FBXL17: variants seen among roughly 807,000 people sequenced by gnomAD.
FBXL17 encodes the protein F-box and leucine rich repeat protein 17, also known as F-box/LRR-repeat protein 17.
Under a neutral mutation model 66.2 loss-of-function variants are expected in FBXL17, and 22 were observed. The observed-to-expected ratio is 0.33, with a 90% CI of 0.24 to 0.47. The LOEUF (loss-of-function observed/expected upper bound fraction) is 0.47, where lower values mean the gene tolerates loss of function less well. FBXL17 is among the 20% of genes least tolerant of loss of function. The pLI, the probability that FBXL17 is intolerant of heterozygous loss-of-function variation, is 1.00. For synonymous variants in FBXL17, 474 were observed against 400.5 expected, an observed-to-expected ratio of 1.18 and a Z score of -2.19; for missense variants, 878 against 948.2, an observed-to-expected ratio of 0.93 and a Z score of 0.97.
chr5:108,013,218 C>T (rs1754252125), intron 7 of FBXL17, among the ~76,000 whole-genome samples: 1 of 151,908 alleles, frequency 6.6e-6, no homozygotes, highest in Non-Finnish European at 1.5e-5. Context: ...TTTCCTTTTA[C>T]ATAATATATG....
chr5:108,101,154 C>T (rs1749584693), intron 6 of FBXL17, among the ~76,000 whole-genome samples: 1 of 152,204 alleles, frequency 6.6e-6, no homozygotes, highest in Admixed American at 6.5e-5. Context: ...TCTGGGCATA[C>T]TCAGAGGAGA....
chr5:108,160,885 G>A (rs932211973), intron 6 of FBXL17, among the ~76,000 whole-genome samples: 3 of 152,024 alleles, frequency 2.0e-5, no homozygotes, highest in Admixed American at 6.6e-5. Context: ...GTTAGCTGCC[G>A]TCAACCCAGA....
intron 6 of FBXL17, among the ~76,000 whole-genome samples, chr5:108,025,765 C>A (rs1032597094): frequency 6.6e-6 from 1 of 150,802 alleles, no homozygotes; most frequent in South Asian, 2.1e-4. Flanking sequence ...AGGCCCCACA[C>A]GAAAGGAGTA....
intron 6 of FBXL17, among the ~76,000 whole-genome samples, chr5:108,067,834 A>G (rs1748175798): frequency 6.6e-6 from 1 of 152,244 alleles, no homozygotes; most frequent in South Asian, 2.1e-4. Flanking sequence ...GTTTACATTC[A>G]TAAATATTTG....
chr5:108,181,136 A>G (rs1752985615), intron 6 of FBXL17, among the ~76,000 whole-genome samples: 1 of 152,202 alleles, frequency 6.6e-6, no homozygotes, highest in South Asian at 2.1e-4. Context: ...TGTTACACCC[A>G]AAACATGCTG....
intron 4 of FBXL17, chr5:108,299,577 C>T: frequency 1.0e-6 from 1 of 972,240 alleles, no homozygotes; most frequent in Non-Finnish European, 1.2e-6. Context: ...GAAAAGCTCC[C>T]TGGCGTTTTA....
At chr5:108,371,612 A>G (rs1749042411) in intron 1 of FBXL17, among the ~76,000 whole-genome samples, 1 of 152,236 alleles carries the variant, frequency 6.6e-6, no homozygotes, top group Non-Finnish European at 1.5e-5. Context: ...CAATAAATCA[A>G]CAATTTAAGA....
chr5:107,913,327 T>C (rs770973710), intron 7 of FBXL17, among the ~76,000 whole-genome samples: 1 of 152,092 alleles, frequency 6.6e-6, no homozygotes, highest in East Asian at 1.9e-4. Flanking sequence ...AGGCAGAATG[T>C]AGAAATGGCA....
intron 7 of FBXL17, among the ~76,000 whole-genome samples, chr5:107,922,176 C>A (rs1217915397): frequency 2.0e-5 from 3 of 152,150 alleles, no homozygotes; most frequent in Admixed American, 6.5e-5. Flanking sequence ...AATGTGTGCT[C>A]TAATGCTGTG....
At chr5:107,984,834 C>G (rs1752957276) in intron 7 of FBXL17, among the ~76,000 whole-genome samples, 3 of 152,152 alleles carry the variant, frequency 2.0e-5, no homozygotes, top group Non-Finnish European at 1.5e-5. Context: ...CATTTTGGCA[C>G]ACAATAAGGA....
At chr5:108,335,373 T>A (rs1186180326) in intron 4 of FBXL17, among the ~76,000 whole-genome samples, 1 of 151,818 alleles carries the variant, frequency 6.6e-6, no homozygotes, top group Non-Finnish European at 1.5e-5. Flanking sequence ...TTTTTTAAAT[T>A]TTGAAAAGTA....
At chr5:108,329,756 C>A (rs1760031277) in intron 4 of FBXL17, among the ~76,000 whole-genome samples, 1 of 151,994 alleles carries the variant, frequency 6.6e-6, no homozygotes, top group Admixed American at 6.6e-5. Flanking sequence ...TAGAAGTTAT[C>A]ATTAGTAAAA....
At chr5:108,059,331 C>T (rs547264962) in intron 6 of FBXL17, among the ~76,000 whole-genome samples, 87 of 152,242 alleles carry the variant, frequency 5.7e-4, no homozygotes, top group Non-Finnish European at 1.1e-3. Context: ...TTAGACCTGA[C>T]AGAGGCCTTA....
At chr5:108,369,303 C>T (rs545274097) in intron 1 of FBXL17, among the ~76,000 whole-genome samples, 2 of 152,274 alleles carry the variant, frequency 1.3e-5, no homozygotes, top group African/African-American at 4.8e-5. Flanking sequence ...GCCCTGACTT[C>T]GAGTCTGTCC....
chr5:108,087,028 T>C (rs1749000938), intron 6 of FBXL17, among the ~76,000 whole-genome samples: 1 of 151,796 alleles, frequency 6.6e-6, no homozygotes, highest in African/African-American at 2.4e-5. Flanking sequence ...GCAAACTGAA[T>C]AGGACATACG....
intron 7 of FBXL17, among the ~76,000 whole-genome samples, chr5:108,007,540 A>G (rs1753979975): frequency 6.6e-6 from 1 of 152,166 alleles, no homozygotes; most frequent in Non-Finnish European, 1.5e-5. Context: ...GGTGAAAAAA[A>G]AAAGTAAATA....
At chr5:107,978,495 T>G (rs1752674674) in intron 7 of FBXL17, among the ~76,000 whole-genome samples, 2 of 152,192 alleles carry the variant, frequency 1.3e-5, no homozygotes, top group South Asian at 4.1e-4. Flanking sequence ...CCATTACTCC[T>G]GTAGATAACA....
intron 6 of FBXL17, among the ~76,000 whole-genome samples, chr5:108,155,741 C>T (rs1751970060): frequency 6.6e-6 from 1 of 151,842 alleles, no homozygotes; most frequent in African/African-American, 2.4e-5. Context: ...AAAATGCCAT[C>T]AGAGTTCAGA....
intron 6 of FBXL17, among the ~76,000 whole-genome samples, chr5:108,121,682 G>A (rs1862221): frequency 0.3 from 44,809 of 151,582 alleles, 7,618 homozygotes; most frequent in Admixed American, 0.4. Context: ...TCAGCCTCCT[G>A]AGTAGCTGGG....
Sources: gnomAD v4.1 joint callset for allele counts (sites outside exome capture counted in the v4.1 genomes callset) on GRCh38, gnomAD v4.1.1 for gene constraint, MANE v1.5 for transcripts, NCBI Gene and HGNC (gene_info 2026-07-23, HGNC 2026-07-21) for gene names.